NCEH1: variants seen among roughly 807,000 people sequenced by gnomAD.
NCEH1 encodes neutral cholesterol ester hydrolase 1, also known as 2-acetyl MAGE hydrolase.
NCEH1 carries 9 observed loss-of-function variants against 25.4 expected under a neutral mutation model. The observed-to-expected ratio is 0.35, with a 90% CI of 0.21 to 0.62. NCEH1 has a LOEUF of 0.62. Ranked by LOEUF, NCEH1 falls within the 20% of genes least tolerant of loss-of-function variation. NCEH1 has a pLI of 0.72. For synonymous variants in NCEH1, 200 were observed against 199.8 expected (o/e 1.00, Z -0.01); for missense variants, 412 against 501.1 (o/e 0.82, Z 1.70).
At chr3:172,660,549 A>G (rs2108505596) in intron 1 of NCEH1, among the ~76,000 whole-genome samples, 1 of 152,352 alleles carries the variant, frequency 6.6e-6, no homozygotes, top group South Asian at 2.1e-4. Context: ...AGGAATTGCC[A>G]CACTGTCTTC....
At chr3:172,661,804 A>T (rs897374148) in intron 1 of NCEH1, among the ~76,000 whole-genome samples, 1 of 152,098 alleles carries the variant, frequency 6.6e-6, no homozygotes, top group African/African-American at 2.4e-5. Context: ...AATGCTTGTG[A>T]TTTTTGCACA....
chr3:172,691,724 C>T (rs529185238), intron 1 of NCEH1, among the ~76,000 whole-genome samples: 10 of 152,356 alleles, frequency 6.6e-5, no homozygotes, highest in Admixed American at 4.6e-4. Flanking sequence ...CTGAGGCAGG[C>T]GGATCATGAG....
intron 1 of NCEH1, among the ~76,000 whole-genome samples, chr3:172,653,266 C>A (rs1320781150): frequency 6.6e-6 from 1 of 152,016 alleles, no homozygotes; most frequent in African/African-American, 2.4e-5. Flanking sequence ...TGGCTCCCTA[C>A]CCAGGTCTGA....
At chr3:172,689,047 C>CA (rs762392220) in intron 1 of NCEH1, among the ~76,000 whole-genome samples, 3 of 152,166 alleles carry the variant, frequency 2.0e-5, no homozygotes, top group Non-Finnish European at 4.4e-5. Flanking sequence ...GAACTGTTTT[C>CA]AGAGACTTTG....
At chr3:172,640,209 G>A (rs1716787174) in intron 3 of NCEH1, among the ~76,000 whole-genome samples, 1 of 152,170 alleles carries the variant, frequency 6.6e-6, no homozygotes, top group South Asian at 2.1e-4. Context: ...GCAGGAGAGA[G>A]GATAAGCCTC....
chr3:172,689,632 CG>C (rs367651030), intron 1 of NCEH1, among the ~76,000 whole-genome samples: 145,269 of 145,310 alleles, frequency 1, 72,614 homozygotes, highest in Middle Eastern at 1. Flanking sequence ...ACCACCTGAG[CG>C]CCAGGAGGCG....
Position 172,633,769 on chromosome 3 carries a change from C to G in NCEH1, c.933G>C (p.Arg311Ser), listed in dbSNP as rs747971573. 6.2e-7 allele frequency: 1 copy of G among 1,614,092 alleles called. No homozygotes were observed. Among genetic ancestry groups the G allele is most frequent in the Non-Finnish European group, 8.5e-7 (1 of 1,180,040 alleles). Reference protein sequence around the residue: ...KPVVQTTGNARIVQELPQLLD... With the variant: ...KPVVQTTGNASIVQELPQLLD... ...GCAACTGAGGAAGCTCCTGGACAAT[C>G]CTGGCATTGCCTGTGGTCTGTACAA... The change falls in exon 5 of 5, where the codon AGG becomes AGC. Residue 311 changes from arginine (R) to serine (S), a missense_variant. Arg to Ser is a moderately radical substitution (Grantham distance 110). Coordinates refer to ENST00000475381, the MANE Select transcript of NCEH1 (RefSeq NM_020792.6).
chr3:172,701,438 T>C (rs1253021867), intron 1 of NCEH1, among the ~76,000 whole-genome samples: 1 of 133,814 alleles, frequency 7.5e-6, no homozygotes, highest in Admixed American at 7.5e-5. Flanking sequence ...GCTTCCTAGA[T>C]GGTCTTTTGC....
At chr3:172,681,736 C>CA (rs768887847) in intron 1 of NCEH1, among the ~76,000 whole-genome samples, 9,811 of 103,860 alleles carry the variant, frequency 0.094, 1,109 homozygotes, top group African/African-American at 0.28. Context: ...GTAAAAATAC[C>CA]AAAAAAAAAA....
At chr3:172,679,981 T>C (rs966828934) in intron 1 of NCEH1, among the ~76,000 whole-genome samples, 1 of 152,124 alleles carries the variant, frequency 6.6e-6, no homozygotes, top group African/African-American at 2.4e-5. Flanking sequence ...TTATCTCTAT[T>C]ATTATCATTA....
intron 1 of NCEH1, among the ~76,000 whole-genome samples, chr3:172,658,513 G>A (rs149927539): frequency 5.8e-4 from 88 of 152,276 alleles, no homozygotes; most frequent in Middle Eastern, 6.8e-3. Context: ...AGTATTGGAC[G>A]GAATTATTAA....
chr3:172,662,668 T>C lies in NCEH1; in HGVS notation c.139-14554A>G, dbSNP rs530900267. ...ACCTGTTATTGGTCTATTCAGGGAT[T>C]CAACTTCTTCCTGGTTTAGTCTTGG... On this transcript the variant is annotated intron_variant, in intron 1 of 4. Transcript: ENST00000475381. 3.7e-3 allele frequency among the ~76,000 whole-genome samples: 566 copies of C among 152,354 alleles called. 2 individuals carry two copies. The highest frequency in any genetic ancestry group is 5.3e-3 in the Admixed American group (81 of 15,312).
intron 1 of NCEH1, among the ~76,000 whole-genome samples, chr3:172,698,111 G>C (rs1185136110): frequency 4.0e-5 from 6 of 151,570 alleles, no homozygotes; most frequent in Admixed American, 3.9e-4. Flanking sequence ...CAAGTAGCTG[G>C]GATTACAGGC....
chr3:172,700,075 A>T (rs575967923), intron 1 of NCEH1, among the ~76,000 whole-genome samples: 1 of 152,234 alleles, frequency 6.6e-6, no homozygotes, highest in Non-Finnish European at 1.5e-5. Flanking sequence ...GGTATTCTAC[A>T]AATGGATTAC....
rs554215122 is a variant in NCEH1 at position 172,705,370 on chromosome 3, C to T, written c.138+5477G>A. On this transcript the variant is annotated intron_variant, in intron 1 of 4. Coordinates refer to ENST00000475381, the MANE Select transcript of NCEH1 (RefSeq NM_020792.6). ...CTGAGTTAAGGAGTCCCCAAGTGCC[C>T]AACCCAGTGATTTGTTCTTTATCTA... 2.2e-4 allele frequency among the ~76,000 whole-genome samples: 33 copies of T among 152,298 alleles called. No individual in the cohort carries two copies. The East Asian group carries it at 3.1e-3, about 14-fold the overall frequency.
intron 1 of NCEH1, among the ~76,000 whole-genome samples, chr3:172,657,986 G>A (rs542170628): frequency 6.6e-6 from 1 of 152,300 alleles, no homozygotes; most frequent in East Asian, 1.9e-4. Context: ...TAGGGGCTGG[G>A]TAAAATGAGG....
chr3:172,674,308 G>A (rs1394929090), intron 1 of NCEH1, among the ~76,000 whole-genome samples: 2 of 151,996 alleles, frequency 1.3e-5, no homozygotes, highest in African/African-American at 2.4e-5. Context: ...GCCGGGTGTG[G>A]TGGCACGTGC....
chr3:172,658,428 T>C (rs987291841), intron 1 of NCEH1, among the ~76,000 whole-genome samples: 1 of 152,162 alleles, frequency 6.6e-6, no homozygotes, highest in African/African-American at 2.4e-5. Context: ...GAGGAAACCT[T>C]TTGTCCCACA....
chr3:172,699,809 T>C (rs1191676539), intron 1 of NCEH1, among the ~76,000 whole-genome samples: 1 of 152,098 alleles, frequency 6.6e-6, no homozygotes, highest in Non-Finnish European at 1.5e-5. Flanking sequence ...GAGGTTGCAG[T>C]GAACCACGAT....
Sources: allele counts gnomAD v4.1 joint callset (sites outside exome capture counted in the v4.1 genomes callset), GRCh38; gene constraint gnomAD v4.1.1; transcripts MANE v1.5; gene names NCBI Gene and HGNC (gene_info 2026-07-23, HGNC 2026-07-21).